The following NUP205 variants were observed in gnomAD, a reference collection of about 807,000 sequenced individuals.
The protein encoded by NUP205 is nucleoporin 205, also known as nuclear pore complex protein Nup205.
A neutral mutation model predicts 253.8 loss-of-function variants in NUP205; 76 were observed. That is an observed-to-expected ratio of 0.30 (90% CI 0.25 to 0.36). NUP205 has a LOEUF of 0.36. NUP205 is among the 10% of genes least tolerant of loss of function. NUP205 has a pLI of 1.00. For missense variants in NUP205, 2,162 were observed against 2,425.5 expected, an observed-to-expected ratio of 0.89 and a Z score of 2.28; for synonymous variants, 832 against 850.1, an observed-to-expected ratio of 0.98 and a Z score of 0.37.
At chr7:135,633,015 G>GT (rs1324900558) in intron 35 of NUP205, among the ~76,000 whole-genome samples, 1 of 152,032 alleles carries the variant, frequency 6.6e-6, no homozygotes, top group Non-Finnish European at 1.5e-5. Flanking sequence ...ACCCAGGCTG[G>GT]AGTGCAAAGC....
Position 135,573,708 on chromosome 7 carries a change from G to T in NUP205, c.226G>T (p.Ala76Ser). 1 of 1,613,796 alleles carries T rather than the reference G, an allele frequency of 6.2e-7. No individual in the cohort carries two copies. Among genetic ancestry groups the T allele is most frequent in the South Asian group, 1.1e-5 (1 of 91,048 alleles). ...KVQKASTEGV[A>S]IQGQQGTRLL... ...TCAGAAAGCCAGTACAGAGGGAGTC[G>T]CCATTCAGGGTCAACAGGGAACTCG... The change falls in exon 3 of 43, where the codon GCC (alanine) becomes TCC (serine). Residue 76 changes from alanine to serine, a missense_variant. Physicochemically the swap from Ala to Ser is moderately conservative, Grantham distance 99 (BLOSUM62 1). Coordinates refer to ENST00000285968, the MANE Select transcript of NUP205 (RefSeq NM_015135.3).
rs1177292656 is a variant in NUP205 at position 135,614,166 on chromosome 7, A to G, written c.3203A>G (p.Tyr1068Cys). The G allele has an allele frequency of 6.4e-7, 1 of 1,567,514 alleles. No homozygotes were observed. The highest frequency in any genetic ancestry group is 1.3e-5 in the African/African-American group (1 of 74,074). Residue 1068 changes from tyrosine (Y) to cysteine (C), a missense_variant, in exon 23 of 43, where the codon TAT becomes TGT. Physicochemically the swap from Tyr to Cys is radical, Grantham distance 194 (BLOSUM62 -2). Coordinates refer to ENST00000285968, the MANE Select transcript of NUP205 (RefSeq NM_015135.3). ...QLAELCYQVI[Y>C]QLCACSDTSG... The stretch of plus-strand genomic sequence containing the variant: ...CTTACTTTAATGCTTTAGGTCATAT[A>G]TCAGTTATGTGCATGCTCTGATACA...
intron 24 of NUP205, 35 bp from the exon 25 acceptor site, chr7:135,616,620 C>CT: frequency 7.9e-7 from 1 of 1,271,980 alleles, no homozygotes; most frequent in Non-Finnish European, 1.1e-6. Flanking sequence ...GTATGTTCTT[C>CT]TTTTTCTGAT....
In NUP205 at chr7:135,619,771, A is replaced by T; in HGVS notation, c.4232-19A>T. The T allele has an allele frequency of 6.3e-7, 1 of 1,598,048 alleles. No homozygotes were observed. Among genetic ancestry groups the T allele is most frequent in the Non-Finnish European group, 8.5e-7 (1 of 1,171,840 alleles). On this transcript the variant is annotated intron_variant, in intron 29 of 42. Coordinates refer to ENST00000285968, the MANE Select transcript of NUP205 (RefSeq NM_015135.3). Reference sequence around the variant, plus strand: ...AATTGAGAAAAGATTTTCATTTGACATCTTCCTAATCTCCCTAGGTGGTGG... The same window carrying T: ...AATTGAGAAAAGATTTTCATTTGACTTCTTCCTAATCTCCCTAGGTGGTGG...
At chr7:135,598,269 GT>G (rs1768124934) in intron 15 of NUP205, 62 bp downstream of exon 15, 4 of 1,395,622 alleles carry the variant, frequency 2.9e-6, no homozygotes, top group Non-Finnish European at 4.0e-6. Context: ...TTTATCAAAA[GT>G]ATATGGTGCT....
chr7:135,616,766 CAT>C (rs1794368883), intron 25 of NUP205, 40 bp downstream of exon 25: 1 of 1,084,654 alleles, frequency 9.2e-7, no homozygotes, highest in African/African-American at 1.7e-5. Context: ...ATTTTATAGA[CAT>C]ATATTAAAAA....
intron 7 of NUP205, among the ~76,000 whole-genome samples, chr7:135,581,845 T>C (rs565682693): frequency 8.6e-5 from 13 of 151,174 alleles, no homozygotes; most frequent in Non-Finnish European, 1.8e-4. Context: ...AGAGTGAAAC[T>C]CTGTTTCCAA....
At chr7:135,637,843 C>G (rs1794839043) in intron 36 of NUP205, 88 bp from the exon 37 acceptor site, 1 of 1,229,352 alleles carries the variant, frequency 8.1e-7, no homozygotes, top group African/African-American at 1.5e-5. Context: ...TGATTCCATT[C>G]TCCACTGAGT....
intron 22 of NUP205, 78 bp downstream of exon 22, chr7:135,607,449 G>A (rs1200052653): frequency 4.1e-6 from 6 of 1,465,810 alleles, no homozygotes; most frequent in Non-Finnish European, 4.6e-6. Flanking sequence ...AGATATGACA[G>A]TATAACAGCA....
rs371826006 is a variant in NUP205 at position 135,571,151 on chromosome 7, A to G, written c.75A>G (p.Gly25=). The G allele has an allele frequency of 9.1e-6, 14 of 1,544,676 alleles. No homozygotes were observed. Among genetic ancestry groups the G allele is most frequent in the Admixed American group, 1.9e-5 (1 of 52,766 alleles). Residue 25 remains glycine (G), a synonymous_variant, in exon 2 of 43, where the codon GGA becomes GGG. Coordinates refer to ENST00000285968, the MANE Select transcript of NUP205 (RefSeq NM_015135.3). Reference sequence around the variant, plus strand: ...ACAAAGACATTTGGCATAAAGTGGGAAATGCTCTTTGGAGAAGACAACCTG... The same window carrying G: ...ACAAAGACATTTGGCATAAAGTGGGGAATGCTCTTTGGAGAAGACAACCTG... ...GPYKDIWHKV[G]NALWRRQPEA...
intron 34 of NUP205, 70 bp downstream of exon 34, chr7:135,628,181 A>G: frequency 6.9e-7 from 1 of 1,449,328 alleles, no homozygotes; most frequent in Non-Finnish European, 9.5e-7. Context: ...GAAACCTTAC[A>G]CACATAGAAT....
intron 30 of NUP205, among the ~76,000 whole-genome samples, chr7:135,621,768 C>T (rs1794474615): frequency 2.6e-5 from 4 of 152,042 alleles, no homozygotes; most frequent in Admixed American, 2.6e-4. Context: ...TTTTTGTCTA[C>T]ATTGTACCTG....
chr7:135,637,414 A>G (rs1398502156), intron 36 of NUP205, among the ~76,000 whole-genome samples: 1 of 152,256 alleles, frequency 6.6e-6, no homozygotes, highest in African/African-American at 2.4e-5. Flanking sequence ...GAGAAGTATT[A>G]ACATTTGAAA....
intron 36 of NUP205, 63 bp from the exon 37 acceptor site, chr7:135,637,868 T>A: frequency 6.8e-7 from 1 of 1,462,106 alleles, no homozygotes; most frequent in Non-Finnish European, 9.3e-7. Flanking sequence ...CTTGTTTCTA[T>A]CCCTCAAGAA....
At chr7:135,628,581 A>C (rs1230457389) in intron 34 of NUP205, among the ~76,000 whole-genome samples, 2 of 152,244 alleles carry the variant, frequency 1.3e-5, no homozygotes, top group Non-Finnish European at 2.9e-5. Context: ...TTTGCTGTCA[A>C]AATTTTTTTA....
At chr7:135,637,717 A>G (rs547064330) in intron 36 of NUP205, among the ~76,000 whole-genome samples, 1 of 152,216 alleles carries the variant, frequency 6.6e-6, no homozygotes, top group Non-Finnish European at 1.5e-5. Context: ...TTAAAAAAAA[A>G]GGGTACTCTT....
intron 30 of NUP205, among the ~76,000 whole-genome samples, chr7:135,621,861 G>C (rs74533892): frequency 1.3e-5 from 2 of 151,780 alleles, no homozygotes; most frequent in Non-Finnish European, 1.5e-5. Context: ...GGAGTACAGC[G>C]GTGCGATCTC....
intron 1 of NUP205, among the ~76,000 whole-genome samples, chr7:135,564,171 T>G (rs1285267875): frequency 6.6e-6 from 1 of 151,218 alleles, no homozygotes; most frequent in Non-Finnish European, 1.5e-5. Flanking sequence ...CTCTACCCTC[T>G]GAGACTCAGG....
At chr7:135,627,903 C>T in intron 33 of NUP205, 70 bp from the exon 34 acceptor site, 1 of 1,468,120 alleles carries the variant, frequency 6.8e-7, no homozygotes, top group Non-Finnish European at 9.4e-7. Flanking sequence ...TTTGCCATAT[C>T]AGTGTTAAGG....
Sources: gnomAD v4.1 joint callset for allele counts (sites outside exome capture counted in the v4.1 genomes callset) on GRCh38, gnomAD v4.1.1 for gene constraint, MANE v1.5 for transcripts, NCBI Gene and HGNC (gene_info 2026-07-23, HGNC 2026-07-21) for gene names.